TMEM132D: variants seen among roughly 807,000 people sequenced by gnomAD.
The protein encoded by TMEM132D is transmembrane protein 132D.
Under a neutral mutation model 62.3 loss-of-function variants are expected in TMEM132D, and 21 were observed. The ratio of observed to expected loss-of-function variants is 0.34; its 90% confidence interval spans 0.24 to 0.49. The LOEUF is 0.49. TMEM132D is among the 20% of genes least tolerant of loss of function. The probability of loss-of-function intolerance (pLI) is 0.99; values close to 1 mark genes in which losing one functional copy is unlikely to be tolerated. For synonymous variants in TMEM132D, 621 were observed against 575.6 expected (o/e 1.08, Z -1.13); for missense variants, 1,346 against 1,402.8 (o/e 0.96, Z 0.65).
intron 3 of TMEM132D, among the ~76,000 whole-genome samples, chr12:129,380,683 T>A (rs928696406): frequency 3.3e-5 from 5 of 152,094 alleles, no homozygotes; most frequent in African/African-American, 1.2e-4. Context: ...CAAGGCTCCT[T>A]CCTGTGGCCT....
intron 1 of TMEM132D, among the ~76,000 whole-genome samples, chr12:129,807,070 A>C (rs1872014982): frequency 6.6e-6 from 1 of 152,232 alleles, no homozygotes; most frequent in East Asian, 1.9e-4. Flanking sequence ...TGAATAAAGT[A>C]ATTGCCAAAT....
rs1593341760 is a variant in TMEM132D at position 129,336,420 on chromosome 12, G to A, written c.1299+1214C>T. ...GTGAAACCCTGTCTCTACTAAAAAT[G>A]CAAAAATTAGCCAGGCATGGTGGTG... On this transcript the variant is annotated intron_variant, in intron 4 of 8. Transcript: ENST00000422113. 2.6e-5 allele frequency among the ~76,000 whole-genome samples: 4 copies of A among 151,866 alleles called. No homozygotes were observed. In the South Asian group the frequency reaches 8.3e-4, roughly 32 times the overall value.
In TMEM132D at chr12:129,513,382, G is replaced by A. The variant is rs572049681; in HGVS notation, c.1115+17677C>T. On this transcript the variant is annotated intron_variant, in intron 3 of 8. Coordinates refer to ENST00000422113, the MANE Select transcript of TMEM132D (RefSeq NM_133448.3). ...TGCCCCCATAACCCAAACATCACCC[G>A]CTAGACTCCATCTCCCAACACTGCC... Among the ~76,000 whole-genome samples, 17 of 152,144 alleles carry A rather than the reference G, an allele frequency of 1.1e-4. No individual in the cohort carries two copies. In the East Asian group the frequency reaches 3.1e-3, roughly 28 times the overall value.
At chr12:129,622,054 C>T (rs1879086182) in intron 2 of TMEM132D, among the ~76,000 whole-genome samples, 1 of 152,194 alleles carries the variant, frequency 6.6e-6, no homozygotes, top group South Asian at 2.1e-4. Flanking sequence ...AGGCAACTTC[C>T]TTTCGCAAAA....
chr12:129,407,730 C>T (rs775239175), intron 3 of TMEM132D, among the ~76,000 whole-genome samples: 176 of 151,766 alleles, frequency 1.2e-3, no homozygotes, highest in Non-Finnish European at 2.0e-3. Context: ...CACGGTGAAA[C>T]CCTGTCTCTA....
intron 1 of TMEM132D, among the ~76,000 whole-genome samples, chr12:129,766,269 T>G (rs1870552574): frequency 6.6e-6 from 1 of 152,072 alleles, no homozygotes; most frequent in African/African-American, 2.4e-5. Context: ...AGCCCTGACT[T>G]ATACTCACTA....
intron 1 of TMEM132D, among the ~76,000 whole-genome samples, chr12:129,736,952 G>A (rs1370896807): frequency 6.6e-6 from 1 of 152,016 alleles, no homozygotes; most frequent in Non-Finnish European, 1.5e-5. Flanking sequence ...CAAGTAGCTG[G>A]GATTACAGGC....
At chr12:129,585,347 C>T (rs1022135199) in intron 2 of TMEM132D, among the ~76,000 whole-genome samples, 1 of 152,188 alleles carries the variant, frequency 6.6e-6, no homozygotes, top group African/African-American at 2.4e-5. Flanking sequence ...AAGAAGGTGG[C>T]CACACACTCA....
chr12:129,846,528 G>A (rs55817030), intron 1 of TMEM132D, among the ~76,000 whole-genome samples: 2 of 152,006 alleles, frequency 1.3e-5, no homozygotes, highest in Admixed American at 6.6e-5. Flanking sequence ...TTTCTTTTAC[G>A]TTAATTGTCA....
chr12:129,441,571 G>T (rs1872937710), intron 3 of TMEM132D, among the ~76,000 whole-genome samples: 1 of 152,152 alleles, frequency 6.6e-6, no homozygotes, highest in South Asian at 2.1e-4. Context: ...AGGAGAAATA[G>T]CCTGACTTCT....
intron 1 of TMEM132D, among the ~76,000 whole-genome samples, chr12:129,878,559 C>T (rs1009838952): frequency 4.0e-5 from 6 of 150,274 alleles, no homozygotes; most frequent in African/African-American, 1.2e-4. Flanking sequence ...GGGTGTCACC[C>T]CAAGTGTCTG....
At chr12:129,345,683 G>A (rs765327898) in intron 3 of TMEM132D, among the ~76,000 whole-genome samples, 2 of 152,128 alleles carry the variant, frequency 1.3e-5, no homozygotes, top group South Asian at 2.1e-4. Context: ...GTGCATGTTT[G>A]ATGAGAGGAA....
chr12:129,552,279 C>T (rs905611633), intron 2 of TMEM132D, among the ~76,000 whole-genome samples: 4 of 152,012 alleles, frequency 2.6e-5, no homozygotes, highest in Non-Finnish European at 5.9e-5. Context: ...ATATTGTCTA[C>T]CTATGCATTT....
chr12:129,355,887 TG>T (rs1870026332), intron 3 of TMEM132D, among the ~76,000 whole-genome samples: 1 of 152,198 alleles, frequency 6.6e-6, no homozygotes, highest in South Asian at 2.1e-4. Context: ...AGTCCGATGC[TG>T]GAGGTGACAG....
chr12:129,100,192 C>A (rs1011732689), intron 5 of TMEM132D, among the ~76,000 whole-genome samples: 23 of 152,174 alleles, frequency 1.5e-4, no homozygotes, highest in African/African-American at 5.1e-4. Context: ...AGGCACCTAC[C>A]ACCACCCCTG....
chr12:129,601,458 G>A (rs1472640892), intron 2 of TMEM132D, among the ~76,000 whole-genome samples: 2 of 152,112 alleles, frequency 1.3e-5, no homozygotes, highest in Non-Finnish European at 2.9e-5. Flanking sequence ...CTCCACGTTC[G>A]AAACATAACC....
chr12:129,649,915 CGTGTGTGTGTATGTTTATGTATGTGT>C (rs1404203751), intron 2 of TMEM132D, among the ~76,000 whole-genome samples: 3 of 149,292 alleles, frequency 2.0e-5, no homozygotes, highest in Admixed American at 6.7e-5. Context: ...TCTATGTGTA[CGTGTGTGTGTATGTTTATGTATGTGT>C]GTGTGTGTGT....
At chr12:129,633,394 A>G (rs1879396429) in intron 2 of TMEM132D, among the ~76,000 whole-genome samples, 1 of 152,220 alleles carries the variant, frequency 6.6e-6, no homozygotes, top group Non-Finnish European at 1.5e-5. Flanking sequence ...CGGCCATAGT[A>G]GGTAGAAAAC....
At chr12:129,443,784 T>C (rs962048072) in intron 3 of TMEM132D, among the ~76,000 whole-genome samples, 2 of 152,218 alleles carry the variant, frequency 1.3e-5, no homozygotes, top group African/African-American at 2.4e-5. Flanking sequence ...GATCTGAATA[T>C]GAGTGTGCAA....
Sources: gnomAD v4.1 joint callset for allele counts (sites outside exome capture counted in the v4.1 genomes callset) on GRCh38, gnomAD v4.1.1 for gene constraint, MANE v1.5 for transcripts, NCBI Gene and HGNC (gene_info 2026-07-23, HGNC 2026-07-21) for gene names.